The following PTPRD variants were observed in gnomAD, a reference collection of about 807,000 sequenced individuals.
The protein encoded by PTPRD is protein tyrosine phosphatase receptor type D.
A neutral mutation model predicts 214.5 loss-of-function variants in PTPRD; 34 were observed. That is an observed-to-expected ratio of 0.16 (90% confidence interval 0.12 to 0.21). The LOEUF is 0.21. Among genes scored for constraint, PTPRD ranks in the 10% least tolerant of loss-of-function variants. PTPRD has a pLI of 1.00. For missense variants in PTPRD, 2,545 were observed against 2,398.7 expected (o/e 1.06, Z -1.27); for synonymous variants, 1,128 against 845.7 (o/e 1.33, Z -5.79).
At chr9:9,496,216 A>G (rs1350718992) in intron 8 of PTPRD, among the ~76,000 whole-genome samples, 2 of 152,208 alleles carry the variant, frequency 1.3e-5, no homozygotes, top group East Asian at 3.9e-4. Context: ...GACAATTTTG[A>G]CTTTAGGAGA....
intron 30 of PTPRD, among the ~76,000 whole-genome samples, chr9:8,480,782 T>A (rs1368071284): frequency 1.3e-5 from 2 of 152,184 alleles, no homozygotes; most frequent in African/African-American, 4.8e-5. Context: ...AATCCCGCTG[T>A]CATACTGAAA....
At chr9:9,599,105 C>A (rs755423070) in intron 7 of PTPRD, among the ~76,000 whole-genome samples, 5 of 151,920 alleles carry the variant, frequency 3.3e-5, no homozygotes, top group East Asian at 1.9e-4. Flanking sequence ...TTATTTAGTA[C>A]CCATGACTCT....
chr9:9,930,278 C>A (rs761488273), intron 5 of PTPRD, among the ~76,000 whole-genome samples: 15 of 151,878 alleles, frequency 9.9e-5, no homozygotes, highest in Admixed American at 1.3e-4. Context: ...TTGGGAATAT[C>A]GAAGCCATGG....
At chr9:9,652,323 T>A (rs1276661446) in intron 7 of PTPRD, among the ~76,000 whole-genome samples, 1 of 152,230 alleles carries the variant, frequency 6.6e-6, no homozygotes, top group Admixed American at 6.5e-5. Context: ...CAGGCAATAA[T>A]CTGAGACAAA....
intron 11 of PTPRD, among the ~76,000 whole-genome samples, chr9:8,830,422 C>T (rs1373490550): frequency 6.6e-6 from 1 of 151,754 alleles, no homozygotes. Flanking sequence ...CTCAAAAGTC[C>T]ACAAGAAACA....
chr9:9,913,617 T>C (rs151087948), intron 5 of PTPRD, among the ~76,000 whole-genome samples: 1 of 152,250 alleles, frequency 6.6e-6, no homozygotes, highest in East Asian at 1.9e-4. Context: ...TCCCCAACCC[T>C]GATCTAATTT....
chr9:8,742,494 A>G (rs575390392), intron 11 of PTPRD, among the ~76,000 whole-genome samples: 1 of 152,200 alleles, frequency 6.6e-6, no homozygotes, highest in Admixed American at 6.5e-5. Context: ...TGAATGCAAA[A>G]TATCTGTAAA....
intron 11 of PTPRD, among the ~76,000 whole-genome samples, chr9:8,797,894 G>C (rs902200507): frequency 2.7e-5 from 4 of 149,112 alleles, no homozygotes; most frequent in African/African-American, 5.0e-5. Flanking sequence ...CATTTTTAGA[G>C]AGTCTTGATA....
At chr9:10,541,166 C>T (rs987927165) in intron 2 of PTPRD, among the ~76,000 whole-genome samples, 7 of 152,024 alleles carry the variant, frequency 4.6e-5, no homozygotes, top group Non-Finnish European at 1.0e-4. Flanking sequence ...ATAGATAGTG[C>T]CCTGTAAGAG....
intron 30 of PTPRD, among the ~76,000 whole-genome samples, chr9:8,479,692 A>G (rs1362839418): frequency 1.3e-5 from 2 of 152,226 alleles, no homozygotes; most frequent in African/African-American, 4.8e-5. Context: ...TAGCAACACA[A>G]TTTGGTGAAC....
intron 2 of PTPRD, among the ~76,000 whole-genome samples, chr9:10,547,899 G>C (rs1224123115): frequency 1.3e-5 from 2 of 152,058 alleles, no homozygotes; most frequent in Non-Finnish European, 2.9e-5. Flanking sequence ...TGTTTTAATA[G>C]AGATGTAGTT....
chr9:8,972,504 G>T (rs950078062), intron 11 of PTPRD, among the ~76,000 whole-genome samples: 3 of 151,768 alleles, frequency 2.0e-5, no homozygotes, highest in African/African-American at 7.3e-5. Context: ...AAGAAGAAAG[G>T]GAAGAGGAGA....
chr9:8,792,244 G>T (rs1363209060), intron 11 of PTPRD, among the ~76,000 whole-genome samples: 4 of 152,132 alleles, frequency 2.6e-5, no homozygotes, highest in African/African-American at 4.8e-5. Context: ...GTACTACAGA[G>T]ATTGTTACTT....
intron 8 of PTPRD, among the ~76,000 whole-genome samples, chr9:9,399,287 C>A (rs2069195802): frequency 6.6e-6 from 1 of 151,976 alleles, no homozygotes; most frequent in African/African-American, 2.4e-5. Context: ...TTATTAGGTT[C>A]TTTGTACCTA....
intron 3 of PTPRD, among the ~76,000 whole-genome samples, chr9:10,119,874 T>A (rs2098761217): frequency 6.6e-6 from 1 of 151,994 alleles, no homozygotes; most frequent in Non-Finnish European, 1.5e-5. Flanking sequence ...TCAGAAAACG[T>A]AGGAGGGCAT....
chr9:9,290,463 T>C (rs1436036945), intron 9 of PTPRD, among the ~76,000 whole-genome samples: 1 of 151,612 alleles, frequency 6.6e-6, no homozygotes, highest in African/African-American at 2.4e-5. Context: ...TAGTTGGATA[T>C]AGTCACTTGT....
chr9:8,856,320 C>A (rs567639380), intron 11 of PTPRD, among the ~76,000 whole-genome samples: 1 of 152,082 alleles, frequency 6.6e-6, no homozygotes, highest in African/African-American at 2.4e-5. Context: ...GAAAAAAATA[C>A]TGAAAATGGT....
intron 3 of PTPRD, among the ~76,000 whole-genome samples, chr9:10,184,173 C>T (rs950515830): frequency 6.6e-5 from 10 of 152,078 alleles, no homozygotes; most frequent in African/African-American, 2.4e-4. Context: ...GCCTGTTAAC[C>T]CAGTATTTTG....
chr9:10,289,957 A>G (rs2095482259), intron 3 of PTPRD, among the ~76,000 whole-genome samples: 1 of 152,168 alleles, frequency 6.6e-6, no homozygotes, highest in African/African-American at 2.4e-5. Flanking sequence ...AAATTTTCAT[A>G]TATTCATTTG....
Sources: allele counts gnomAD v4.1 joint callset (sites outside exome capture counted in the v4.1 genomes callset), GRCh38; gene constraint gnomAD v4.1.1; transcripts MANE v1.5; gene names NCBI Gene and HGNC (gene_info 2026-07-23, HGNC 2026-07-21).